The following PMFBP1 variants were observed in gnomAD, a reference collection of about 807,000 sequenced individuals.
PMFBP1 encodes the protein polyamine modulated factor 1 binding protein 1.
In PMFBP1, 131 loss-of-function variants were observed where a neutral mutation model predicts 137.8. The observed-to-expected ratio is 0.95, with a 90% CI of 0.82 to 1.10. The LOEUF is 1.10. PMFBP1 is among the 50% of genes least tolerant of loss of function. The pLI is 0.00. For missense variants in PMFBP1, 1,199 were observed against 1,175.4 expected (o/e 1.02, Z -0.29); for synonymous variants, 490 against 450.4 (o/e 1.09, Z -1.11).
the PMFBP1 span, among the ~76,000 whole-genome samples, chr16:72,234,777 A>G: frequency 7.9e-5 from 12 of 151,962 alleles, no homozygotes; most frequent in African/African-American, 2.4e-4. Flanking sequence ...TTTGATTTTT[A>G]TTTCCCTAAT....
At chr16:72,241,878 A>C in the PMFBP1 span, among the ~76,000 whole-genome samples, 1 of 152,204 alleles carries the variant, frequency 6.6e-6, no homozygotes, top group Non-Finnish European at 1.5e-5. Flanking sequence ...GTTTTAACTA[A>C]GACATTTCCT....
intron 3 of PMFBP1, among the ~76,000 whole-genome samples, chr16:72,155,299 G>A (rs1479556386): frequency 2.0e-5 from 3 of 152,160 alleles, no homozygotes; most frequent in African/African-American, 7.2e-5. Flanking sequence ...GCAGTCCTTA[G>A]CATCCAACCC....
At chr16:72,217,809 G>A in the PMFBP1 span, among the ~76,000 whole-genome samples, 1 of 152,098 alleles carries the variant, frequency 6.6e-6, no homozygotes, top group Non-Finnish European at 1.5e-5. Flanking sequence ...GCCAAGATCA[G>A]CCTGGGCAAC....
chr16:72,221,360 A>G, the PMFBP1 span, among the ~76,000 whole-genome samples: 1 of 152,198 alleles, frequency 6.6e-6, no homozygotes, highest in Non-Finnish European at 1.5e-5. Context: ...GAGCGCCTGC[A>G]CTCAGCTCAT....
intron 19 of PMFBP1, among the ~76,000 whole-genome samples, chr16:72,120,463 T>C (rs2042360810): frequency 6.6e-6 from 1 of 152,208 alleles, no homozygotes; most frequent in Non-Finnish European, 1.5e-5. Context: ...ACAACTGTGA[T>C]CATGTGTCCT....
rs780778538 is a variant in PMFBP1 at position 72,129,243 on chromosome 16, T to C, written c.1783-10A>G. ...AGCCTTGCTCCCTGTGCTGAAAAAATAAAGACTGAGCTGAAAGACTGTCTT... is the reference window on the plus strand; with the variant it reads ...AGCCTTGCTCCCTGTGCTGAAAAAACAAAGACTGAGCTGAAAGACTGTCTT... On this transcript the variant is annotated splice_polypyrimidine_tract_variant and intron_variant, in intron 12 of 20. Transcript: ENST00000237353. 1.9e-5 allele frequency: 30 copies of C among 1,607,908 alleles called. No individual in the cohort carries two copies. Among genetic ancestry groups the C allele is most frequent in the Admixed American group, 1.2e-4 (7 of 59,470 alleles).
Position 72,119,971 on chromosome 16 carries a change from T to C in PMFBP1, c.2887A>G (p.Ser963Gly), listed in dbSNP as rs1327098876. ...TRLCTKALGP[S>G]RTESTQREKV... is the part of the protein sequence containing the mutation. ...TCCCTCTGTGTGGACTCCGTTCTGC[T>C]CGGGCCTAGGGCTTTGGTGCATAGC... The change falls in exon 20 of 21, where the codon AGC becomes GGC. Residue 963 changes from serine (S) to glycine (G), a missense_variant. Physicochemically the swap from Ser to Gly is moderately conservative, Grantham distance 56. Transcript: ENST00000237353. 10 of 1,614,230 alleles carry C rather than the reference T, an allele frequency of 6.2e-6. No individual in the cohort carries two copies. The highest frequency in any genetic ancestry group is 8.5e-6 in the Non-Finnish European group (10 of 1,180,044).
intron 7 of PMFBP1, among the ~76,000 whole-genome samples, chr16:72,137,388 A>T (rs918496074): frequency 4.6e-5 from 7 of 152,198 alleles, no homozygotes; most frequent in Non-Finnish European, 8.8e-5. Flanking sequence ...ACTTATAGAA[A>T]ATGTTAACAG....
chr16:72,192,607 G>A, the PMFBP1 span, among the ~76,000 whole-genome samples: 2 of 152,140 alleles, frequency 1.3e-5, no homozygotes, highest in Admixed American at 1.3e-4. Context: ...TAACTGCAGG[G>A]CCGGGTGTGG....
intron 3 of PMFBP1, 99 bp downstream of exon 3, chr16:72,164,665 C>T: frequency 1.4e-6 from 2 of 1,436,896 alleles, no homozygotes; most frequent in East Asian, 2.3e-5. Flanking sequence ...ATAAGTACTC[C>T]TGAATGAACA....
chr16:72,239,354 A>G, the PMFBP1 span, among the ~76,000 whole-genome samples: 1 of 152,142 alleles, frequency 6.6e-6, no homozygotes, highest in Non-Finnish European at 1.5e-5. Flanking sequence ...TGATCACCAC[A>G]TATTTTGTTA....
chr16:72,160,380 C>A (rs949418528), intron 3 of PMFBP1, among the ~76,000 whole-genome samples: 46 of 152,182 alleles, frequency 3.0e-4, no homozygotes, highest in African/African-American at 1.0e-3. Context: ...CTTTCTTTAT[C>A]CTTTTGAGTT....
chr16:72,248,459 G>C, the PMFBP1 span, among the ~76,000 whole-genome samples: 1 of 152,150 alleles, frequency 6.6e-6, no homozygotes, highest in African/African-American at 2.4e-5. Context: ...GACTGAATCA[G>C]TGAATATCTG....
chr16:72,188,769 C>A, the PMFBP1 span, among the ~76,000 whole-genome samples: 1 of 152,092 alleles, frequency 6.6e-6, no homozygotes, highest in Non-Finnish European at 1.5e-5. Context: ...TCAACCCCAC[C>A]CCCGCCAAAA....
chr16:72,229,399 G>C, the PMFBP1 span, among the ~76,000 whole-genome samples: 1 of 152,180 alleles, frequency 6.6e-6, no homozygotes, highest in Admixed American at 6.6e-5. Context: ...TTGAACGGTA[G>C]TTCTGTTTTA....
At chr16:72,168,661 T>G (rs543726540) in intron 2 of PMFBP1, among the ~76,000 whole-genome samples, 1 of 152,192 alleles carries the variant, frequency 6.6e-6, no homozygotes, top group East Asian at 1.9e-4. Context: ...AAGTCTCCAC[T>G]GCTAGGTGAG....
the PMFBP1 span, among the ~76,000 whole-genome samples, chr16:72,182,964 C>A: frequency 3.9e-5 from 6 of 152,190 alleles, no homozygotes; most frequent in Admixed American, 6.5e-5. Flanking sequence ...GCAGGAAGGT[C>A]AGTGGGGGAG....
chr16:72,181,241 A>AT (rs1246913773), upstream of PMFBP1, among the ~76,000 whole-genome samples: 21 of 149,978 alleles, frequency 1.4e-4, no homozygotes, highest in African/African-American at 4.7e-4. Flanking sequence ...TCATCTCAAA[A>AT]AAAAAAAAAT....
intron 5 of PMFBP1, among the ~76,000 whole-genome samples, chr16:72,150,316 AG>A (rs1305791095): frequency 6.6e-6 from 1 of 152,250 alleles, no homozygotes; most frequent in African/African-American, 2.4e-5. Context: ...ACAAAGGCTC[AG>A]CCAACCCCAC....
Sources: allele counts gnomAD v4.1 joint callset (sites outside exome capture counted in the v4.1 genomes callset), GRCh38; gene constraint gnomAD v4.1.1; transcripts MANE v1.5; gene names NCBI Gene and HGNC (gene_info 2026-07-23, HGNC 2026-07-21).